Variants in NECTIN4 observed in about 807,000 individuals in gnomAD.
The protein encoded by NECTIN4 is nectin-4.
NECTIN4 carries 19 observed loss-of-function variants against 51.7 expected under a neutral mutation model. That is an observed-to-expected ratio of 0.37 (90% CI 0.26 to 0.54). The LOEUF (loss-of-function observed/expected upper bound fraction) is 0.54. Ranked by LOEUF, NECTIN4 falls within the 20% of genes least tolerant of loss-of-function variation. The pLI, the probability that NECTIN4 is intolerant of heterozygous loss-of-function variation, is 0.86. For missense variants in NECTIN4, 619 were observed against 662.4 expected (o/e 0.93, Z 0.72); for synonymous variants, 283 against 286.9 (o/e 0.99, Z 0.14).
intron 7 of NECTIN4, 84 bp downstream of exon 7, chr1:161,073,636 T>C: frequency 8.4e-7 from 1 of 1,186,970 alleles, no homozygotes; most frequent in Middle Eastern, 1.9e-4. Context: ...AGAGCTGTGC[T>C]CCTGGTCTGC....
At chr1:161,073,613 G>A (rs989409126) in intron 7 of NECTIN4, 107 bp downstream of exon 7, 2 of 1,045,372 alleles carry the variant, frequency 1.9e-6, no homozygotes, top group East Asian at 4.7e-5. Context: ...TGAGTCAGTG[G>A]CTGACCCAGC....
At chr1:161,074,969 C>G (rs763670008) in intron 4 of NECTIN4, among the ~76,000 whole-genome samples, 1 of 152,130 alleles carries the variant, frequency 6.6e-6, no homozygotes, top group Non-Finnish European at 1.5e-5. Flanking sequence ...CCCACACACA[C>G]CCGGGGAAGA....
chr1:161,074,608 T>C lies in NECTIN4; in HGVS notation c.1000+3A>G. On this transcript the variant is annotated splice_donor_region_variant and intron_variant, in intron 5 of 8. Coordinates refer to ENST00000368012, the MANE Select transcript of NECTIN4 (RefSeq NM_030916.3). ...TACCAAGGACTTCTGCTCCAGTGCT[T>C]ACCAAGAACATCCACAGTGACCTGA... The C allele has an allele frequency of 6.2e-7, 1 of 1,614,224 alleles. No individual in the cohort carries two copies. The highest frequency in any genetic ancestry group is 8.5e-7 in the Non-Finnish European group (1 of 1,180,038).
chr1:161,082,676 C>T (rs1653739486), intron 1 of NECTIN4, among the ~76,000 whole-genome samples: 1 of 152,052 alleles, frequency 6.6e-6, no homozygotes, highest in South Asian at 2.1e-4. Context: ...AGAGCCCTGA[C>T]CTGCCTAAGC....
intron 4 of NECTIN4, 73 bp from the exon 5 acceptor site, chr1:161,074,832 G>T: frequency 1.3e-6 from 2 of 1,509,428 alleles, no homozygotes; most frequent in Non-Finnish European, 9.0e-7. Flanking sequence ...TGTCCAGACA[G>T]CTCTCCACCC....
In NECTIN4 at chr1:161,074,265, A is replaced by G; in HGVS notation, c.1109T>C (p.Leu370Pro). ...CTTGCGCCGATGGTATCGGGACATG[A>G]GCACCACCACCACCACCAGAAGGCA... ...LFCLLVVVVV[L>P]MSRYHRRKAQ... The change falls in exon 6 of 9, where the codon CTC (leucine) becomes CCC (proline). Residue 370 changes from leucine (L) to proline (P), a missense_variant. Leu to Pro is a moderately conservative substitution (Grantham distance 98, BLOSUM62 -3). Coordinates refer to ENST00000368012, the MANE Select transcript of NECTIN4 (RefSeq NM_030916.3). 1 of 1,613,972 alleles carries G rather than the reference A, an allele frequency of 6.2e-7. No individual in the cohort carries two copies. Among genetic ancestry groups the G allele is most frequent in the South Asian group, 1.1e-5 (1 of 91,072 alleles).
rs527449222 is a variant in NECTIN4 at position 161,072,847 on chromosome 1, G to A, written c.1347C>T (p.Thr449=). ...TCTGTGTTTCTATCTCCCTCACCGT[G>A]GTCAGCGTGGAGTAACTGCGGCCCT... The part of the protein sequence containing the change: ...EPEGRSYSTL[T]TVREIETQTE... The change falls in exon 9 of 9, where the codon ACC becomes ACT. Residue 449 remains threonine (T), a synonymous_variant. Coordinates refer to ENST00000368012, the MANE Select transcript of NECTIN4 (RefSeq NM_030916.3). 327 of 1,614,182 alleles carry A rather than the reference G, an allele frequency of 2.0e-4. 5 individuals carry two copies. The South Asian group carries it at 3.4e-3, about 17-fold the overall frequency.
At chr1:161,083,188 C>A (rs939620496) in intron 1 of NECTIN4, among the ~76,000 whole-genome samples, 1 of 152,160 alleles carries the variant, frequency 6.6e-6, no homozygotes, top group African/African-American at 2.4e-5. Context: ...TGGATATCTC[C>A]CACAGATCCT....
chr1:161,084,115 T>G (rs1247211797), intron 1 of NECTIN4, among the ~76,000 whole-genome samples: 1 of 152,204 alleles, frequency 6.6e-6, no homozygotes, highest in African/African-American at 2.4e-5. Flanking sequence ...GAGCTGTGGC[T>G]GAGGGCCTGG....
At chr1:161,083,048 A>T (rs1353905438) in intron 1 of NECTIN4, among the ~76,000 whole-genome samples, 1 of 152,172 alleles carries the variant, frequency 6.6e-6, no homozygotes, top group African/African-American at 2.4e-5. Flanking sequence ...TACAGCAGGC[A>T]TTAGATACCC....
At position 161,078,393 on chromosome 1, in the gene NECTIN4, C is replaced by T. The variant is rs540367472; in HGVS notation, c.440-650G>A. Among the ~76,000 whole-genome samples, 6 of 152,052 alleles carry T rather than the reference C, an allele frequency of 3.9e-5. No individual in the cohort carries two copies. In the South Asian group the frequency reaches 1.0e-3, roughly 26 times the overall value. On this transcript the variant is annotated intron_variant, in intron 2 of 8. Transcript: ENST00000368012. ...CATGATCTCGGCTCACTGCAATCTC[C>T]GCCTCCTGGGTTCAAGCAATTCTCC...
In NECTIN4 at chr1:161,079,701, C is replaced by T. The variant is rs762083368; in HGVS notation, c.328G>A (p.Gly110Ser). The T allele has an allele frequency of 1.2e-6, 2 of 1,608,458 alleles. No individual in the cohort carries two copies. Among genetic ancestry groups the T allele is most frequent in the Non-Finnish European group, 8.5e-7 (1 of 1,179,612 alleles). ...QPPPPRNPLDGSVLLRNAVQA... is the reference protein window; with the variant it reads ...QPPPPRNPLDSSVLLRNAVQA... Reference sequence around the variant, plus strand: ...ACTGCGTTGCGCAGGAGCACTGAGCCGTCCAGGGGGTTGCGTGGGGGCGGC... The same window carrying T: ...ACTGCGTTGCGCAGGAGCACTGAGCTGTCCAGGGGGTTGCGTGGGGGCGGC... Residue 110 changes from glycine to serine, a missense_variant, in exon 2 of 9, where the codon GGC becomes AGC. Physicochemically the swap from Gly to Ser is moderately conservative, Grantham distance 56. Around this residue, in one of 3 missense-constraint regions of NECTIN4, gnomAD observed 218 missense variants for 186.3 expected, o/e 1.17. Transcript: ENST00000368012.
chr1:161,076,483 G>A lies in NECTIN4; in HGVS notation c.731-8C>T, dbSNP rs751316786. Reference sequence around the variant, plus strand: ...CAGAGGCCTCAGCAAGGACTGGAATGGGAAGTGGGAGGAGAAAGAATGGGA... The same window carrying A: ...CAGAGGCCTCAGCAAGGACTGGAATAGGAAGTGGGAGGAGAAAGAATGGGA... On this transcript the variant is annotated splice_region_variant and splice_polypyrimidine_tract_variant and intron_variant, in intron 3 of 8. Coordinates refer to ENST00000368012, the MANE Select transcript of NECTIN4 (RefSeq NM_030916.3). 4 of 1,613,926 alleles carry A rather than the reference G, an allele frequency of 2.5e-6. No individual in the cohort carries two copies. The highest frequency in any genetic ancestry group is 1.1e-5 in the South Asian group (1 of 91,066).
In NECTIN4 at chr1:161,072,725, C is replaced by A. The variant is rs144643155; in HGVS notation, c.1469G>T (p.Gly490Val). 53 of 1,614,206 alleles carry A rather than the reference C, an allele frequency of 3.3e-5. No homozygotes were observed. In the African/African-American group the frequency reaches 6.0e-4, roughly 18 times the overall value. Reference protein sequence around the residue: ...QAMNHFVQENGTLRAKPTGNG... With the variant: ...QAMNHFVQENVTLRAKPTGNG... ...GCCCGTGGGCTTGGCCCGTAGGGTCCCATTCTCCTGAACAAAATGGTTCAT... is the reference window on the plus strand; with the variant it reads ...GCCCGTGGGCTTGGCCCGTAGGGTCACATTCTCCTGAACAAAATGGTTCAT... The change falls in exon 9 of 9, where the codon GGG (glycine) becomes GTG (valine). Residue 490 changes from glycine to valine, a missense_variant. Coordinates refer to ENST00000368012, the MANE Select transcript of NECTIN4 (RefSeq NM_030916.3).
At chr1:161,074,888 G>A (rs1653345851) in intron 4 of NECTIN4, 129 bp from the exon 5 acceptor site, 3 of 996,068 alleles carry the variant, frequency 3.0e-6, no homozygotes, top group Non-Finnish European at 4.4e-6. Flanking sequence ...TTCCCACGGT[G>A]CCCCTCCCTC....
chr1:161,077,584 C>A lies in NECTIN4; in HGVS notation c.599G>T (p.Arg200Leu). 6.2e-7 allele frequency: 1 copy of A among 1,613,912 alleles called. No individual in the cohort carries two copies. The highest frequency in any genetic ancestry group is 8.5e-7 in the Non-Finnish European group (1 of 1,180,028). The part of the protein sequence containing the change: ...TTSSRSFKHS[R>L]SAAVTSEFHL... ...GAACTCTGAGGTGACGGCAGCAGAG[C>A]GGGAGTGCTTGAAGGAACGGCTGGA... The change falls in exon 3 of 9, where the codon CGC becomes CTC. Residue 200 changes from arginine (R) to leucine (L), a missense_variant. Physicochemically the swap from Arg to Leu is moderately radical, Grantham distance 102. Coordinates refer to ENST00000368012, the MANE Select transcript of NECTIN4 (RefSeq NM_030916.3).
At chr1:161,077,827 A>C in intron 2 of NECTIN4, 84 bp from the exon 3 acceptor site, 1 of 1,301,052 alleles carries the variant, frequency 7.7e-7, no homozygotes, top group East Asian at 2.4e-5. Flanking sequence ...GTCTTGCACA[A>C]GTACAAACTT....
At chr1:161,079,097 T>C (rs1241328348) in intron 2 of NECTIN4, among the ~76,000 whole-genome samples, 2 of 152,222 alleles carry the variant, frequency 1.3e-5, no homozygotes, top group Non-Finnish European at 2.9e-5. Flanking sequence ...TGATCGTGTA[T>C]GGCCACACCA....
At chr1:161,074,407 C>T (rs1653320123) in intron 5 of NECTIN4, 34 bp from the exon 6 acceptor site, 1 of 1,613,338 alleles carries the variant, frequency 6.2e-7, no homozygotes, top group Non-Finnish European at 8.5e-7. Context: ...GAGGTGGAAG[C>T]CTGCAGCCAC....
Sources: gnomAD v4.1 joint callset for allele counts (sites outside exome capture counted in the v4.1 genomes callset) on GRCh38, gnomAD v4.1.1 for gene constraint, gnomAD v4.1.1 regional missense constraint, MANE v1.5 for transcripts, NCBI Gene and HGNC (gene_info 2026-07-23, HGNC 2026-07-21) for gene names.